The following GAS7 variants were observed in gnomAD, a reference collection of about 807,000 sequenced individuals.
GAS7 encodes growth arrest specific 7.
Under a neutral mutation model 71.1 loss-of-function variants are expected in GAS7, and 28 were observed. The ratio of observed to expected loss-of-function variants is 0.39; its 90% CI spans 0.29 to 0.54. The LOEUF is 0.54. Ranked by LOEUF, GAS7 falls within the 20% of genes least tolerant of loss-of-function variation. The pLI is 0.62. For synonymous variants in GAS7, 258 were observed against 245.8 expected (o/e 1.05, Z -0.46); for missense variants, 436 against 627.8 (o/e 0.69, Z 3.27).
intron 2 of GAS7, among the ~76,000 whole-genome samples, chr17:10,001,972 G>A (rs1016392151): frequency 2.4e-4 from 37 of 152,056 alleles, no homozygotes; most frequent in Admixed American, 2.0e-4. Flanking sequence ...ACCTCATGCC[G>A]GGTATTGAAA....
At chr17:10,182,127 A>T (rs541399536) in intron 1 of GAS7, among the ~76,000 whole-genome samples, 32 of 152,300 alleles carry the variant, frequency 2.1e-4, no homozygotes, top group African/African-American at 7.0e-4. Context: ...AGCAGCCCAT[A>T]CTGCTACCTA....
At chr17:10,012,437 G>A (rs923726004) in intron 2 of GAS7, among the ~76,000 whole-genome samples, 2 of 151,712 alleles carry the variant, frequency 1.3e-5, no homozygotes, top group East Asian at 2.0e-4. Flanking sequence ...ACAGGTGTGC[G>A]CCACCACACC....
rs1050810094 is a variant in GAS7 at position 9,962,222 on chromosome 17, A to G, written c.472-2967T>C. Among the ~76,000 whole-genome samples, 23 of 146,570 alleles carry G rather than the reference A, an allele frequency of 1.6e-4. 1 individual carries two copies. Among genetic ancestry groups the G allele is most frequent in the Admixed American group, 1.1e-3 (16 of 14,596 alleles). On this transcript the variant is annotated intron_variant, in intron 4 of 13. Transcript: ENST00000432992. ...TGCCTACTGCTCCAACTTCATATAC[A>G]TATCACGTGCATTTTATACACACAC...
chr17:10,065,113 T>G (rs563232303), intron 1 of GAS7, among the ~76,000 whole-genome samples: 1 of 152,204 alleles, frequency 6.6e-6, no homozygotes, highest in Admixed American at 6.5e-5. Flanking sequence ...TAAGCCTGAA[T>G]AGGATTTCTG....
Position 9,941,437 on chromosome 17 carries a change from G to A in GAS7, c.732-1237C>T, listed in dbSNP as rs138101195. 3.5e-3 allele frequency among the ~76,000 whole-genome samples: 529 copies of A among 152,268 alleles called. 4 individuals are homozygous for A. Among genetic ancestry groups the A allele is most frequent in the Non-Finnish European group, 3.2e-3 (219 of 68,030 alleles). The stretch of plus-strand genomic sequence containing the variant: ...TCTCACCTCCAGGACGACAGCGTGC[G>A]TCACCTCTACCTCTGCCCCACTTCT... On this transcript the variant is annotated intron_variant, in intron 7 of 13. Coordinates refer to ENST00000432992, the MANE Select transcript of GAS7 (RefSeq NM_201433.2).
At chr17:9,971,284 G>A (rs1383156599) in intron 3 of GAS7, among the ~76,000 whole-genome samples, 1 of 152,128 alleles carries the variant, frequency 6.6e-6, no homozygotes, top group African/African-American at 2.4e-5. Flanking sequence ...GGAATGGCCA[G>A]GGGGCAGTGG....
chr17:10,149,078 T>A (rs941900214), intron 1 of GAS7, among the ~76,000 whole-genome samples: 2 of 152,154 alleles, frequency 1.3e-5, no homozygotes, highest in Non-Finnish European at 2.9e-5. Flanking sequence ...CCATTTTTGT[T>A]CATTTTTATG....
intron 1 of GAS7, among the ~76,000 whole-genome samples, chr17:10,108,075 T>A (rs1318133839): frequency 1.3e-5 from 2 of 149,940 alleles, no homozygotes; most frequent in East Asian, 3.9e-4. Flanking sequence ...CCAGAGGGGG[T>A]CTGGGCAAGA....
chr17:9,918,934 G>A (rs982619306), intron 12 of GAS7, among the ~76,000 whole-genome samples: 1 of 152,164 alleles, frequency 6.6e-6, no homozygotes, highest in African/African-American at 2.4e-5. Context: ...AATCTGCTCT[G>A]GTGGGCTGAC....
chr17:10,174,016 G>A (rs1330406280), intron 1 of GAS7, among the ~76,000 whole-genome samples: 2 of 152,142 alleles, frequency 1.3e-5, no homozygotes. Flanking sequence ...CCTTTATACT[G>A]GCTGAACTGT....
At chr17:10,156,624 T>C (rs1054881747) in intron 1 of GAS7, among the ~76,000 whole-genome samples, 37 of 152,050 alleles carry the variant, frequency 2.4e-4, no homozygotes, top group African/African-American at 8.7e-4. Context: ...CTGGCTACAG[T>C]GAAAGACAAT....
chr17:9,916,632 A>C lies in GAS7; in HGVS notation c.*596T>G, dbSNP rs2067591144. The C allele has an allele frequency of 3.4e-6, 1 of 294,410 alleles. No individual in the cohort carries two copies. The highest frequency in any genetic ancestry group is 2.1e-5 in the African/African-American group (1 of 47,162). The allele number at this position is 294,410 out of a possible 1,614,324, so 18.2% of individuals were successfully genotyped here. ...CCTCTCCAGGCATGGTGGGTCTGGG[A>C]AGACAGGAGCCAAGCCTTCCTCCTA... On this transcript the variant is annotated 3_prime_UTR_variant, in exon 14 of 14. Transcript: ENST00000432992.
chr17:10,150,552 T>C (rs756216353), intron 1 of GAS7, among the ~76,000 whole-genome samples: 46 of 151,498 alleles, frequency 3.0e-4, no homozygotes, highest in East Asian at 1.9e-4. Context: ...AGGCAGCAAA[T>C]TGGAGTCATC....
chr17:9,994,680 T>C (rs1255999230), intron 2 of GAS7, among the ~76,000 whole-genome samples: 1 of 145,154 alleles, frequency 6.9e-6, no homozygotes, highest in Non-Finnish European at 1.5e-5. Context: ...AATTGACAAA[T>C]GGGATCTAAT....
Position 10,006,550 on chromosome 17 carries a change from C to T in GAS7, c.304+13227G>A, listed in dbSNP as rs145152925. Among the ~76,000 whole-genome samples the T allele has an allele frequency of 7.6e-3, 1,154 of 151,868 alleles. 7 individuals carry two copies. Among genetic ancestry groups the T allele is most frequent in the Non-Finnish European group, 0.012 (837 of 67,930 alleles). Reference sequence around the variant, plus strand: ...TTCACCATGTTAGCCGGCATGGTCTCGATCTCCTGACCTCGTGATCCACCT... The same window carrying T: ...TTCACCATGTTAGCCGGCATGGTCTTGATCTCCTGACCTCGTGATCCACCT... On this transcript the variant is annotated intron_variant, in intron 2 of 13. Transcript: ENST00000432992.
intron 1 of GAS7, among the ~76,000 whole-genome samples, chr17:10,160,362 C>T (rs1413530041): frequency 2.6e-5 from 4 of 152,110 alleles, no homozygotes; most frequent in South Asian, 2.1e-4. Flanking sequence ...TTTCTACTGC[C>T]CATTTAAAAC....
chr17:10,015,328 C>G (rs2071950355), intron 2 of GAS7, among the ~76,000 whole-genome samples: 1 of 152,134 alleles, frequency 6.6e-6, no homozygotes, highest in South Asian at 2.1e-4. Flanking sequence ...CTAGAAGCGT[C>G]TGGAAGAAAG....
At position 10,187,789 on chromosome 17, in the gene GAS7, T is replaced by C. The variant is rs1230522520; in HGVS notation, c.183+10419A>G. On this transcript the variant is annotated intron_variant, in intron 1 of 13. Coordinates refer to ENST00000432992, the MANE Select transcript of GAS7 (RefSeq NM_201433.2). ...ATAAGAATGCAGTCCCGGGCCAGCA[T>C]GTATTCCTTCTACCTATTCTTCCCA... is the stretch of plus-strand genomic sequence containing the variant. Among the ~76,000 whole-genome samples, 6 of 152,304 alleles carry C rather than the reference T, an allele frequency of 3.9e-5. No homozygotes were observed. The South Asian group carries it at 1.0e-3, about 26-fold the overall frequency.
intron 1 of GAS7, among the ~76,000 whole-genome samples, chr17:10,174,416 G>A (rs1307926623): frequency 6.6e-6 from 1 of 152,188 alleles, no homozygotes; most frequent in Non-Finnish European, 1.5e-5. Context: ...ATTCTGGCCA[G>A]GCGCGGTGGC....
Sources: gnomAD v4.1 joint callset for allele counts (sites outside exome capture counted in the v4.1 genomes callset) on GRCh38, gnomAD v4.1.1 for gene constraint, MANE v1.5 for transcripts, NCBI Gene and HGNC (gene_info 2026-07-23, HGNC 2026-07-21) for gene names.